AGBL3: variants seen among roughly 807,000 people sequenced by gnomAD.
The protein encoded by AGBL3 is cytosolic carboxypeptidase 3.
In AGBL3, 68 loss-of-function variants were observed where a neutral mutation model predicts 94.5. That is an observed-to-expected ratio of 0.72 (90% CI 0.59 to 0.88). The LOEUF is 0.88. Among genes scored for constraint, AGBL3 ranks in the 40% least tolerant of loss-of-function variants. The pLI is 0.00. For synonymous variants in AGBL3, 354 were observed against 370.7 expected (o/e 0.95, Z 0.52); for missense variants, 934 against 1,103.8 (o/e 0.85, Z 2.18).
chr7:134,991,655 C>A (rs1489557981), intron 3 of AGBL3, among the ~76,000 whole-genome samples: 3 of 152,058 alleles, frequency 2.0e-5, no homozygotes. Context: ...GTATCTCTTC[C>A]AAGCACTGGG....
intron 15 of AGBL3, among the ~76,000 whole-genome samples, chr7:135,113,453 G>A (rs1825910275): frequency 6.6e-6 from 1 of 151,968 alleles, no homozygotes; most frequent in African/African-American, 2.4e-5. Flanking sequence ...ACAGTTTAGT[G>A]TATATCACTA....
Position 135,098,068 on chromosome 7 carries a change from G to A in AGBL3, c.2110+16278G>A, listed in dbSNP as rs577945915. ...GGAGACCCTACATGATGAATTTATA[G>A]ATGCAAAGGGCCTAAATGACAAACA... On this transcript the variant is annotated intron_variant, in intron 15 of 16. Transcript: ENST00000436302. Among the ~76,000 whole-genome samples, 5 of 152,234 alleles carry A rather than the reference G, an allele frequency of 3.3e-5. No individual in the cohort carries two copies. In the East Asian group the frequency reaches 9.6e-4, roughly 29 times the overall value.
In AGBL3 at chr7:135,034,851, G is replaced by C; in HGVS notation, c.1260G>C (p.Arg420=). 1 of 1,551,420 alleles carries C rather than the reference G, an allele frequency of 6.4e-7. No homozygotes were observed. The highest frequency in any genetic ancestry group is 8.7e-7 in the Non-Finnish European group (1 of 1,146,850). Residue 420 remains arginine (R), a synonymous_variant, in exon 7 of 17, where the codon CGG becomes CGC. Transcript: ENST00000436302. ...ATTATCGCTGTTCCTTAGCTGGACG[G>C]GATTTAAACCGTAATTATACATCTC... ...VGNYRCSLAG[R]DLNRNYTSLL...
At chr7:135,052,520 C>T (rs1476851500) in intron 11 of AGBL3, among the ~76,000 whole-genome samples, 1 of 152,104 alleles carries the variant, frequency 6.6e-6, no homozygotes, top group Non-Finnish European at 1.5e-5. Flanking sequence ...GAACCCATCA[C>T]CCAAATTGTG....
At chr7:135,114,953 C>T (rs1344657180) in intron 15 of AGBL3, among the ~76,000 whole-genome samples, 2 of 152,142 alleles carry the variant, frequency 1.3e-5, no homozygotes, top group Non-Finnish European at 2.9e-5. Context: ...TTATAACTTT[C>T]CCTTTTGTTC....
rs145444256 is a variant in AGBL3, at chr7:135,120,641, G to A, written c.2342+5030G>A. Among the ~76,000 whole-genome samples, 1,083 of 152,250 alleles carry A rather than the reference G, an allele frequency of 7.1e-3. 8 individuals are homozygous for A. Among genetic ancestry groups the A allele is most frequent in the Non-Finnish European group, 0.012 (792 of 68,014 alleles). On this transcript the variant is annotated intron_variant, in intron 16 of 16. Coordinates refer to ENST00000436302, the MANE Select transcript of AGBL3 (RefSeq NM_178563.4). ...AAATGACCTAAATACAACAGTTAAG[G>A]ACAGATTAACAGAATGAATTTTAAA... is the stretch of plus-strand genomic sequence containing the variant.
At chr7:135,010,344 G>T in intron 4 of AGBL3, 1 of 210,980 alleles carries the variant, frequency 4.7e-6, no homozygotes, top group Non-Finnish European at 9.6e-6. Context: ...TCTCTTAGCT[G>T]ACATTGGAAA....
chr7:135,103,891 AT>A (rs776428653), intron 15 of AGBL3, among the ~76,000 whole-genome samples: 3 of 151,762 alleles, frequency 2.0e-5, no homozygotes, highest in Non-Finnish European at 4.4e-5. Flanking sequence ...TTTTTTTTTA[AT>A]GTAAGGATGT....
chr7:135,045,762 T>G, intron 10 of AGBL3, 37 bp from the exon 11 acceptor site: 4 of 1,445,734 alleles, frequency 2.8e-6, no homozygotes, highest in Non-Finnish European at 3.8e-6. Context: ...GGAAATAAAG[T>G]TATTTCATAA....
chr7:135,019,621 A>T (rs1435226593), intron 5 of AGBL3, among the ~76,000 whole-genome samples: 5 of 152,172 alleles, frequency 3.3e-5, no homozygotes, highest in African/African-American at 1.2e-4. Flanking sequence ...AATCTTAAGC[A>T]AAAAGAACAA....
chr7:135,047,086 C>A (rs1413980026), intron 11 of AGBL3, among the ~76,000 whole-genome samples: 1 of 152,026 alleles, frequency 6.6e-6, no homozygotes, highest in Non-Finnish European at 1.5e-5. Flanking sequence ...CCTCTAGAAA[C>A]CACCATTTGA....
chr7:135,073,878 T>C (rs1274838064), intron 12 of AGBL3, among the ~76,000 whole-genome samples: 1 of 152,186 alleles, frequency 6.6e-6, no homozygotes, highest in Non-Finnish European at 1.5e-5. Context: ...GGCTGTTTGC[T>C]TGTGGATTTC....
chr7:135,015,155 G>A (rs17603058), intron 4 of AGBL3, among the ~76,000 whole-genome samples: 35,947 of 152,032 alleles, frequency 0.24, 5,319 homozygotes, highest in South Asian at 0.42. Flanking sequence ...TGATGTTTAA[G>A]TCCATTACAG....
intron 12 of AGBL3, among the ~76,000 whole-genome samples, chr7:135,064,134 G>C (rs1026809995): frequency 6.6e-6 from 1 of 152,120 alleles, no homozygotes; most frequent in African/African-American, 2.4e-5. Context: ...CAATGGGGTG[G>C]GGAAGGATAA....
At chr7:135,107,142 GA>G (rs1824849567) in intron 15 of AGBL3, among the ~76,000 whole-genome samples, 2 of 116,774 alleles carry the variant, frequency 1.7e-5, no homozygotes, top group African/African-American at 5.7e-5. Flanking sequence ...CTATATTATT[GA>G]TTTTTTTTTC....
intron 4 of AGBL3, among the ~76,000 whole-genome samples, chr7:134,997,079 G>T (rs915603946): frequency 2.0e-5 from 3 of 152,192 alleles, no homozygotes; most frequent in Admixed American, 1.3e-4. Flanking sequence ...TTCTGTAGAT[G>T]TTGGGGGATG....
intron 5 of AGBL3, among the ~76,000 whole-genome samples, chr7:135,023,108 G>A (rs995301391): frequency 1.3e-5 from 2 of 152,114 alleles, no homozygotes; most frequent in Non-Finnish European, 2.9e-5. Context: ...CCTTACAAAA[G>A]TATATTCTCA....
chr7:135,082,813 G>C (rs909980715), intron 15 of AGBL3, among the ~76,000 whole-genome samples: 1 of 151,848 alleles, frequency 6.6e-6, no homozygotes, highest in Admixed American at 6.6e-5. Context: ...ATATATATAT[G>C]CATGTGTGAA....
chr7:135,112,187 T>C lies in AGBL3; in HGVS notation c.2111-3193T>C, dbSNP rs567071303. ...AATTCAGACCCTCATTTTGCCTCCCTTGAATAACTGCATTAGCCTCCTAAT... is the reference window on the plus strand; with the variant it reads ...AATTCAGACCCTCATTTTGCCTCCCCTGAATAACTGCATTAGCCTCCTAAT... On this transcript the variant is annotated intron_variant, in intron 15 of 16. Transcript: ENST00000436302. Among the ~76,000 whole-genome samples, 10 of 152,344 alleles carry C rather than the reference T, an allele frequency of 6.6e-5. No homozygotes were observed. The South Asian group carries it at 2.1e-3, about 32-fold the overall frequency.
Sources: gnomAD v4.1 joint callset for allele counts (sites outside exome capture counted in the v4.1 genomes callset) on GRCh38, gnomAD v4.1.1 for gene constraint, MANE v1.5 for transcripts, NCBI Gene and HGNC (gene_info 2026-07-23, HGNC 2026-07-21) for gene names.